Variants in PTPRK observed in about 807,000 individuals in gnomAD.
PTPRK encodes receptor-type tyrosine-protein phosphatase kappa.
In PTPRK, 75 loss-of-function variants were observed where a neutral mutation model predicts 178.0. The ratio of observed to expected loss-of-function variants is 0.42; its 90% CI spans 0.35 to 0.51. The LOEUF (loss-of-function observed/expected upper bound fraction) is 0.51, where lower values mean the gene tolerates loss of function less well. Ranked by LOEUF, PTPRK falls within the 20% of genes least tolerant of loss-of-function variation. PTPRK has a pLI of 0.02. For synonymous variants in PTPRK, 637 were observed against 620.6 expected (o/e 1.03, Z -0.39); for missense variants, 1,441 against 1,797.8 (o/e 0.80, Z 3.59).
chr6:128,117,334 TAGAG>T (rs1791708772), intron 7 of PTPRK, among the ~76,000 whole-genome samples: 2 of 142,676 alleles, frequency 1.4e-5, no homozygotes, highest in South Asian at 2.4e-4. Context: ...ATGTTAGTGT[TAGAG>T]AGATTGTAAT....
intron 1 of PTPRK, among the ~76,000 whole-genome samples, chr6:128,504,690 G>T (rs867447598): frequency 1.3e-5 from 2 of 152,212 alleles, no homozygotes; most frequent in Non-Finnish European, 2.9e-5. Context: ...CAATATCTGC[G>T]CTCACCTTTC....
In PTPRK at chr6:127,969,482, C is replaced by CA. The variant is rs1773677821; in HGVS notation, c.*744dup. The CA allele has an allele frequency of 1.3e-5, 2 of 151,608 alleles. No homozygotes were observed. Among genetic ancestry groups the CA allele is most frequent in the South Asian group, 4.2e-4 (2 of 4,814 alleles). The allele number at this position is 151,608 out of a possible 1,614,324, so 9.4% of individuals were successfully genotyped here. On this transcript the variant is annotated 3_prime_UTR_variant, in exon 30 of 30. Coordinates refer to ENST00000368226, the MANE Select transcript of PTPRK (RefSeq NM_002844.4). Reference sequence around the variant, plus strand: ...TATCTTCTACTTACACTAAAACATACAAAAAATAATCTACAAAAATCGTTT... The same window carrying CA: ...TATCTTCTACTTACACTAAAACATACAAAAAAATAATCTACAAAAATCGTTT...
chr6:128,193,352 T>G (rs993764603), intron 6 of PTPRK, among the ~76,000 whole-genome samples: 3 of 137,776 alleles, frequency 2.2e-5, no homozygotes, highest in Non-Finnish European at 4.7e-5. Flanking sequence ...TTTCTACAAA[T>G]CACATCAATT....
At chr6:128,196,070 C>T (rs931480258) in intron 6 of PTPRK, among the ~76,000 whole-genome samples, 1 of 151,970 alleles carries the variant, frequency 6.6e-6, no homozygotes, top group African/African-American at 2.4e-5. Context: ...GTAGACATGA[C>T]CTGGGAACCA....
chr6:128,221,845 A>G (rs1810472276), intron 5 of PTPRK, among the ~76,000 whole-genome samples: 1 of 151,356 alleles, frequency 6.6e-6, no homozygotes. Flanking sequence ...AATCCATAAA[A>G]TCAGCCAAAA....
intron 1 of PTPRK, among the ~76,000 whole-genome samples, chr6:128,447,257 A>G (rs1301471755): frequency 6.6e-6 from 1 of 152,246 alleles, no homozygotes; most frequent in Non-Finnish European, 1.5e-5. Flanking sequence ...GAGAAATCCT[A>G]ATTTTGGAGT....
chr6:128,046,682 A>AT (rs564805326), intron 13 of PTPRK, among the ~76,000 whole-genome samples: 91 of 152,288 alleles, frequency 6.0e-4, no homozygotes, highest in African/African-American at 2.0e-3. Context: ...TTAAATATAG[A>AT]TTTTTTTAAA....
intron 25 of PTPRK, among the ~76,000 whole-genome samples, chr6:127,979,039 A>T (rs1339633893): frequency 6.6e-6 from 1 of 152,174 alleles, no homozygotes; most frequent in Non-Finnish European, 1.5e-5. Flanking sequence ...GAGCAGGTGG[A>T]TTACAAGCTT....
At chr6:128,397,352 T>A (rs1277880260) in intron 2 of PTPRK, among the ~76,000 whole-genome samples, 1 of 152,142 alleles carries the variant, frequency 6.6e-6, no homozygotes. Context: ...AAAACACTAA[T>A]ACTTATCTTT....
chr6:128,234,762 T>C (rs1315046118), intron 5 of PTPRK, among the ~76,000 whole-genome samples: 1 of 152,210 alleles, frequency 6.6e-6, no homozygotes, highest in African/African-American at 2.4e-5. Context: ...TATCAGTTAT[T>C]ATGAATAAAG....
In PTPRK at chr6:128,520,453, G is replaced by A; in HGVS notation, c.-95C>T. 3 of 1,170,326 alleles carry A rather than the reference G, an allele frequency of 2.6e-6. No homozygotes were observed. The highest frequency in any genetic ancestry group is 2.0e-5 in the Admixed American group (1 of 48,960). 72.5% of individuals were successfully genotyped at this position (1,170,326 alleles called of 1,614,324 possible). A position where few individuals can be genotyped will look rare whatever the true frequency, so the allele number is the denominator to read the frequency against. Reference sequence around the variant, plus strand: ...CGGAGGAGCGGGCCGGGCCTCGCGGGGTGAGGACGGTGAGAGGACAGCCGC... The same window carrying A: ...CGGAGGAGCGGGCCGGGCCTCGCGGAGTGAGGACGGTGAGAGGACAGCCGC... On this transcript the variant is annotated 5_prime_UTR_variant, in exon 1 of 30. Transcript: ENST00000368226.
At chr6:128,315,386 A>C (rs1039898557) in intron 3 of PTPRK, among the ~76,000 whole-genome samples, 2 of 152,156 alleles carry the variant, frequency 1.3e-5, no homozygotes, top group African/African-American at 4.8e-5. Flanking sequence ...GCTGAGAAGA[A>C]TGATTTTTTA....
chr6:128,201,410 G>A (rs948245127), intron 6 of PTPRK, among the ~76,000 whole-genome samples: 23 of 152,346 alleles, frequency 1.5e-4, no homozygotes, highest in African/African-American at 5.1e-4. Flanking sequence ...CCATGCACAT[G>A]TGAGTGTGCA....
intron 1 of PTPRK, among the ~76,000 whole-genome samples, chr6:128,400,653 G>C (rs544556093): frequency 6.6e-6 from 1 of 152,146 alleles, no homozygotes; most frequent in East Asian, 1.9e-4. Context: ...AATATATCCT[G>C]AACTAATTCC....
chr6:128,457,918 C>T (rs1044490449), intron 1 of PTPRK, among the ~76,000 whole-genome samples: 5 of 152,040 alleles, frequency 3.3e-5, no homozygotes, highest in Non-Finnish European at 5.9e-5. Context: ...ATTGTTCTTC[C>T]CCATTGCGGG....
intron 1 of PTPRK, among the ~76,000 whole-genome samples, chr6:128,464,837 T>G (rs1849646120): frequency 6.9e-6 from 1 of 145,676 alleles, no homozygotes; most frequent in African/African-American, 2.5e-5. Context: ...TCACTGAGAT[T>G]TAAAAAAAAA....
At chr6:128,491,693 C>G (rs777817675) in intron 1 of PTPRK, 3 of 470,110 alleles carry the variant, frequency 6.4e-6, no homozygotes, top group Non-Finnish European at 1.3e-5. Context: ...AAACAAACAT[C>G]AGGCTTACAT....
At position 128,320,264 on chromosome 6, in the gene PTPRK, C is replaced by A. The variant is rs529026328; in HGVS notation, c.495+1775G>T. Reference sequence around the variant, plus strand: ...TACTGTAACTTAATAGTAGAATTAACACCACAGTAATCTGTGCCATGAGAA... The same window carrying A: ...TACTGTAACTTAATAGTAGAATTAAAACCACAGTAATCTGTGCCATGAGAA... On this transcript the variant is annotated intron_variant, in intron 3 of 29. Transcript: ENST00000368226. Among the ~76,000 whole-genome samples, 18 of 152,254 alleles carry A rather than the reference C, an allele frequency of 1.2e-4. No homozygotes were observed. In the East Asian group the frequency reaches 2.9e-3, roughly 24 times the overall value.
At chr6:128,127,961 G>T (rs1306389219) in intron 7 of PTPRK, among the ~76,000 whole-genome samples, 1 of 152,060 alleles carries the variant, frequency 6.6e-6, no homozygotes, top group African/African-American at 2.4e-5. Context: ...CTTTTAAAAT[G>T]ATGTGTATTA....
Sources: allele counts gnomAD v4.1 joint callset (sites outside exome capture counted in the v4.1 genomes callset), GRCh38; gene constraint gnomAD v4.1.1; transcripts MANE v1.5; gene names NCBI Gene and HGNC (gene_info 2026-07-23, HGNC 2026-07-21).